PDE6G: variants seen among roughly 807,000 people sequenced by gnomAD.
The protein encoded by PDE6G is phosphodiesterase 6G.
PDE6G carries 10 observed loss-of-function variants against 10.9 expected under a neutral mutation model. The observed-to-expected ratio is 0.91, with a 90% CI of 0.56 to 1.55. PDE6G has a LOEUF of 1.55. Ranked by LOEUF, PDE6G falls within the 40% of genes most tolerant of loss-of-function variation. The pLI is 0.00. For missense variants in PDE6G, 102 were observed against 110.1 expected (o/e 0.93, Z 0.33); for synonymous variants, 41 against 42.8 (o/e 0.96, Z 0.16).
Position 81,653,036 on chromosome 17 carries a change from A to G in PDE6G, c.146+124T>C. ...CCTCAGGCACCGCCCTACCTTCCCC[A>G]GCTGTGAGGCTGGGACCACTCACCC... On this transcript the variant is annotated intron_variant, in intron 2 of 3. Coordinates refer to ENST00000331056, the MANE Select transcript of PDE6G (RefSeq NM_002602.4). The surrounding 1 kb of genome is among the most constrained non-coding windows in gnomAD (Gnocchi z 5.2). The G allele has an allele frequency of 8.8e-7, 1 of 1,134,820 alleles. No individual in the cohort carries two copies. The highest frequency in any genetic ancestry group is 1.3e-6 in the Non-Finnish European group (1 of 754,604). 70.3% of individuals were successfully genotyped at this position (1,134,820 alleles called of 1,614,324 possible).
Position 81,653,674 on chromosome 17 carries a change from T to C in PDE6G, c.-59-310A>G. 3.1e-6 allele frequency: 1 copy of C among 321,392 alleles called. No individual in the cohort carries two copies. Among genetic ancestry groups the C allele is most frequent in the Non-Finnish European group, 6.1e-6 (1 of 165,016 alleles). 19.9% of individuals were successfully genotyped at this position (321,392 alleles called of 1,614,324 possible). A position where few individuals can be genotyped will look rare whatever the true frequency, so the allele number is the denominator to read the frequency against. On this transcript the variant is annotated intron_variant, in intron 1 of 3. Transcript: ENST00000331056. This position sits in a 1 kb window ranked among gnomAD's most constrained non-coding sequence, Gnocchi z 5.2. ...ACAGCAAACCTAGCCTCCCAACCTG[T>C]GGCAGGTCCTGAGCCTGGAGTCCTC...
At position 81,651,549 on chromosome 17, in the gene PDE6G, G is replaced by A. The variant is rs757861494; in HGVS notation, c.187+96C>T. 9.0e-7 allele frequency: 1 copy of A among 1,109,664 alleles called. No homozygotes were observed. Among genetic ancestry groups the A allele is most frequent in the Non-Finnish European group, 1.4e-6 (1 of 725,218 alleles). 68.7% of individuals were successfully genotyped at this position (1,109,664 alleles called of 1,614,324 possible). A position where few individuals can be genotyped will look rare whatever the true frequency, so the allele number is the denominator to read the frequency against. ...GGTCCCTAAGTGAAAAGCAGGGGAG[G>A]TGGGGGCCGAGGTGGGCTGCAATGG... is the stretch of plus-strand genomic sequence containing the variant. On this transcript the variant is annotated intron_variant, in intron 3 of 3. Transcript: ENST00000331056. The surrounding 1 kb of genome is among the most constrained non-coding windows in gnomAD (Gnocchi z 4.8).
In PDE6G at chr17:81,651,622, G is replaced by A. The variant is rs754032199; in HGVS notation, c.187+23C>T. ...CTGGGGGGACCTGGGCAGACCTCGGGTTGGTACTGGCAGCCGTCATACCTG... is the reference window on the plus strand; with the variant it reads ...CTGGGGGGACCTGGGCAGACCTCGGATTGGTACTGGCAGCCGTCATACCTG... On this transcript the variant is annotated intron_variant, in intron 3 of 3. Transcript: ENST00000331056. The surrounding 1 kb of genome is among the most constrained non-coding windows in gnomAD (Gnocchi z 4.8). 1.2e-5 allele frequency: 20 copies of A among 1,613,234 alleles called. No individual in the cohort carries two copies. The African/African-American group carries it at 2.0e-4, about 16-fold the overall frequency.
In PDE6G at chr17:81,651,783, G is replaced by A; in HGVS notation, c.147-98C>T. On this transcript the variant is annotated intron_variant, in intron 2 of 3. Transcript: ENST00000331056. This position sits in a 1 kb window ranked among gnomAD's most constrained non-coding sequence, Gnocchi z 4.8. ...CTCTAGCCTTCCTAGGAGATGAGGTGTTTGGCTGGGAGCCCAGTGGGCAGA... is the reference window on the plus strand; with the variant it reads ...CTCTAGCCTTCCTAGGAGATGAGGTATTTGGCTGGGAGCCCAGTGGGCAGA... 7.4e-7 allele frequency: 1 copy of A among 1,347,634 alleles called. No homozygotes were observed. 83.5% of individuals were successfully genotyped at this position (1,347,634 alleles called of 1,614,324 possible).
At position 81,653,034 on chromosome 17, in the gene PDE6G, C is replaced by T; in HGVS notation, c.146+126G>A. 1 of 1,156,364 alleles carries T rather than the reference C, an allele frequency of 8.6e-7. No individual in the cohort carries two copies. Among genetic ancestry groups the T allele is most frequent in the Non-Finnish European group, 1.3e-6 (1 of 768,346 alleles). 71.6% of individuals were successfully genotyped at this position (1,156,364 alleles called of 1,614,324 possible). ...GCCCTCAGGCACCGCCCTACCTTCC[C>T]CAGCTGTGAGGCTGGGACCACTCAC... On this transcript the variant is annotated intron_variant, in intron 2 of 3. Coordinates refer to ENST00000331056, the MANE Select transcript of PDE6G (RefSeq NM_002602.4). The surrounding 1 kb of genome is among the most constrained non-coding windows in gnomAD (Gnocchi z 5.2).
rs1409892663 is a variant in PDE6G, at chr17:81,652,891, C to T, written c.146+269G>A. Reference sequence around the variant, plus strand: ...ATCTGCCCACCTCAGCCTCCCAAAGCGCTGAGCCACCGCGCCTGGCCGGCA... The same window carrying T: ...ATCTGCCCACCTCAGCCTCCCAAAGTGCTGAGCCACCGCGCCTGGCCGGCA... On this transcript the variant is annotated intron_variant, in intron 2 of 3. Coordinates refer to ENST00000331056, the MANE Select transcript of PDE6G (RefSeq NM_002602.4). Among the ~76,000 whole-genome samples the T allele has an allele frequency of 9.9e-5, 7 of 70,670 alleles. No homozygotes were observed. In the East Asian group the frequency reaches 0.088, roughly 891 times the overall value. 46.4% of individuals were successfully genotyped at this position (70,670 alleles called of 152,430 possible). A position where few individuals can be genotyped will look rare whatever the true frequency, so the allele number is the denominator to read the frequency against.
chr17:81,656,292 C>T (rs2036445779), intron 1 of PDE6G, among the ~76,000 whole-genome samples: 1 of 152,154 alleles, frequency 6.6e-6, no homozygotes, highest in African/African-American at 2.4e-5. Context: ...GCACTGGTTA[C>T]CATGGGGGAG....
intron 1 of PDE6G, among the ~76,000 whole-genome samples, chr17:81,655,806 A>G (rs2036438451): frequency 6.6e-6 from 1 of 151,632 alleles, no homozygotes; most frequent in African/African-American, 2.4e-5. Flanking sequence ...CTGGGCTACT[A>G]CCAGCTGTTT....
Position 81,650,742 on chromosome 17 carries a change from G to C in PDE6G, c.*332C>G, listed in dbSNP as rs1305109572. 4.2e-6 allele frequency: 2 copies of C among 471,694 alleles called. No individual in the cohort carries two copies. The highest frequency in any genetic ancestry group is 8.4e-6 in the Non-Finnish European group (2 of 238,066). The allele number at this position is 471,694 out of a possible 1,614,324, so 29.2% of individuals were successfully genotyped here. A position where few individuals can be genotyped will look rare whatever the true frequency, so the allele number is the denominator to read the frequency against. Reference sequence around the variant, plus strand: ...CCAGCTGGGAGGAGGGGACGATCTGGGGTCCAGCAGGCTCCCGGGCTGGGG... The same window carrying C: ...CCAGCTGGGAGGAGGGGACGATCTGCGGTCCAGCAGGCTCCCGGGCTGGGG... On this transcript the variant is annotated 3_prime_UTR_variant, in exon 4 of 4. Coordinates refer to ENST00000331056, the MANE Select transcript of PDE6G (RefSeq NM_002602.4).
At chr17:81,660,073 G>A (rs934491690), upstream of PDE6G, among the ~76,000 whole-genome samples, 4 of 151,746 alleles carry the variant, frequency 2.6e-5, no homozygotes, top group Non-Finnish European at 5.9e-5. Flanking sequence ...CAACAAGAGC[G>A]AAACTTCATC....
Position 81,653,486 on chromosome 17 carries a change from C to G in PDE6G, c.-59-122G>C. On this transcript the variant is annotated intron_variant, in intron 1 of 3. Coordinates refer to ENST00000331056, the MANE Select transcript of PDE6G (RefSeq NM_002602.4). The surrounding 1 kb of genome is among the most constrained non-coding windows in gnomAD (Gnocchi z 5.2). ...GCCAGCTCCAGCGTCATCCAGACAG[C>G]AGCCCCTGCAATCCGCCCTGGGGTA... 1 of 663,528 alleles carries G rather than the reference C, an allele frequency of 1.5e-6. No homozygotes were observed. Among genetic ancestry groups the G allele is most frequent in the Non-Finnish European group, 2.6e-6 (1 of 388,698 alleles). 41.1% of individuals were successfully genotyped at this position (663,528 alleles called of 1,614,324 possible).
upstream of PDE6G, among the ~76,000 whole-genome samples, chr17:81,661,176 G>A (rs528291666): frequency 1.3e-5 from 2 of 152,238 alleles, no homozygotes; most frequent in Admixed American, 6.5e-5. Flanking sequence ...AGGAGTTTAC[G>A]ACCAACTTGG....
rs746166568 is a variant in PDE6G at position 81,650,753 on chromosome 17, G to A, written c.*321C>T. 6.3e-6 allele frequency: 3 copies of A among 479,210 alleles called. No homozygotes were observed. Among genetic ancestry groups the A allele is most frequent in the African/African-American group, 3.9e-5 (2 of 51,050 alleles). The allele number at this position is 479,210 out of a possible 1,614,324, so 29.7% of individuals were successfully genotyped here. A position where few individuals can be genotyped will look rare whatever the true frequency, so the allele number is the denominator to read the frequency against. ...GAGGGGACGATCTGGGGTCCAGCAGGCTCCCGGGCTGGGGTCCACTTCCCG... is the reference window on the plus strand; with the variant it reads ...GAGGGGACGATCTGGGGTCCAGCAGACTCCCGGGCTGGGGTCCACTTCCCG... On this transcript the variant is annotated 3_prime_UTR_variant, in exon 4 of 4. Transcript: ENST00000331056.
Position 81,651,040 on chromosome 17 carries a change from A to AG in PDE6G, c.*33dup, listed in dbSNP as rs778257173. 4.7e-6 allele frequency: 7 copies of AG among 1,482,242 alleles called. No individual in the cohort carries two copies. Among genetic ancestry groups the AG allele is most frequent in the African/African-American group, 2.8e-5 (2 of 72,106 alleles). The allele number at this position is 1,482,242 out of a possible 1,614,324, so 91.8% of individuals were successfully genotyped here. A position where few individuals can be genotyped will look rare whatever the true frequency, so the allele number is the denominator to read the frequency against. The stretch of plus-strand genomic sequence containing the variant: ...CAGGGTTTAGAGCACAGTGGGCAGG[A>AG]GGGGGAGGGTCTGGACTTCAGCAGG... On this transcript the variant is annotated 3_prime_UTR_variant, in exon 4 of 4. Transcript: ENST00000331056. The surrounding 1 kb of genome is among the most constrained non-coding windows in gnomAD (Gnocchi z 4.8).
intron 1 of PDE6G, among the ~76,000 whole-genome samples, chr17:81,656,192 C>T (rs997807453): frequency 6.6e-5 from 10 of 152,210 alleles, no homozygotes; most frequent in Admixed American, 1.3e-4. Flanking sequence ...TGCCCTGGCC[C>T]GACCCAGCCT....
At chr17:81,652,565 C>A (rs1041927594) in intron 2 of PDE6G, among the ~76,000 whole-genome samples, 6 of 151,866 alleles carry the variant, frequency 4.0e-5, no homozygotes, top group African/African-American at 1.5e-4. Flanking sequence ...GCATGAGCCA[C>A]CGCCCCCGGC....
chr17:81,653,087 C>A lies in PDE6G; in HGVS notation c.146+73G>T. Reference sequence around the variant, plus strand: ...AGTGAAGTGGCCCCAGGCTCTGCCCCGCCCTCCCCTTCCTGTGCAGCCTCA... The same window carrying A: ...AGTGAAGTGGCCCCAGGCTCTGCCCAGCCCTCCCCTTCCTGTGCAGCCTCA... On this transcript the variant is annotated intron_variant, in intron 2 of 3. Transcript: ENST00000331056. This position sits in a 1 kb window ranked among gnomAD's most constrained non-coding sequence, Gnocchi z 5.2. 1 of 1,565,118 alleles carries A rather than the reference C, an allele frequency of 6.4e-7. No individual in the cohort carries two copies. Among genetic ancestry groups the A allele is most frequent in the Non-Finnish European group, 8.8e-7 (1 of 1,135,942 alleles).
At chr17:81,658,154 G>A (rs1035138736), upstream of PDE6G, among the ~76,000 whole-genome samples, 1 of 151,556 alleles carries the variant, frequency 6.6e-6, no homozygotes, top group East Asian at 2.0e-4. Flanking sequence ...GCCTGATCTC[G>A]GCTCACTGCA....
At chr17:81,661,222 A>T (rs2036507544), upstream of PDE6G, among the ~76,000 whole-genome samples, 1 of 152,226 alleles carries the variant, frequency 6.6e-6, no homozygotes, top group Non-Finnish European at 1.5e-5. Context: ...ACATACAGAC[A>T]CAGACAAAAA....
Sources: allele counts gnomAD v4.1 joint callset (sites outside exome capture counted in the v4.1 genomes callset), GRCh38; gene constraint gnomAD v4.1.1; non-coding constraint Gnocchi (gnomAD v3.1); transcripts MANE v1.5; gene names NCBI Gene and HGNC (gene_info 2026-07-23, HGNC 2026-07-21).